Variants in SLCO3A1 observed in about 807,000 individuals in gnomAD.
SLCO3A1 encodes PGE1 transporter.
A neutral mutation model predicts 63.1 loss-of-function variants in SLCO3A1; 27 were observed. The ratio of observed to expected loss-of-function variants is 0.43; its 90% confidence interval spans 0.32 to 0.59. The LOEUF (loss-of-function observed/expected upper bound fraction) is 0.59, where lower values mean the gene tolerates loss of function less well. SLCO3A1 is among the 20% of genes least tolerant of loss of function. SLCO3A1 has a pLI of 0.09. For synonymous variants in SLCO3A1, 473 were observed against 409.9 expected, an observed-to-expected ratio of 1.15 and a Z score of -1.86; for missense variants, 773 against 945.8, an observed-to-expected ratio of 0.82 and a Z score of 2.40.
rs947863579 is a variant in SLCO3A1 at position 92,033,342 on chromosome 15, C to T, written c.647-61539C>T. Among the ~76,000 whole-genome samples the T allele has an allele frequency of 8.5e-5, 13 of 152,192 alleles. No homozygotes were observed. The highest frequency in any genetic ancestry group is 3.1e-4 in the African/African-American group (13 of 41,436). On this transcript the variant is annotated intron_variant, in intron 2 of 9. Coordinates refer to ENST00000318445, the MANE Select transcript of SLCO3A1 (RefSeq NM_013272.4). This position sits in a 1 kb window ranked among gnomAD's most constrained non-coding sequence, Gnocchi z 4.5. Reference sequence around the variant, plus strand: ...TGCCCTTTGGAGAGACTTCTGCAACCCTCCTCTCCTCCAAGAGCAGGGTAA... The same window carrying T: ...TGCCCTTTGGAGAGACTTCTGCAACTCTCCTCTCCTCCAAGAGCAGGGTAA...
In SLCO3A1 at chr15:91,957,133, TAC is replaced by T. The variant is rs553755215; in HGVS notation, c.646+40676_646+40677del. Among the ~76,000 whole-genome samples, 7 of 24,074 alleles carry T rather than the reference TAC, an allele frequency of 2.9e-4. 1 individual carries two copies. Among genetic ancestry groups the T allele is most frequent in the African/African-American group, 2.3e-3 (5 of 2,162 alleles). The allele number at this position is 24,074 out of a possible 152,430, so 15.8% of individuals were successfully genotyped here. A position where few individuals can be genotyped will look rare whatever the true frequency, so the allele number is the denominator to read the frequency against. On this transcript the variant is annotated intron_variant, in intron 2 of 9. Coordinates refer to ENST00000318445, the MANE Select transcript of SLCO3A1 (RefSeq NM_013272.4). ...ATATATATAATATATATAATATATA[TAC>T]TATATATTATAATATATATATATAT...
chr15:92,004,446 G>A (rs888103043), intron 2 of SLCO3A1, among the ~76,000 whole-genome samples: 2 of 152,234 alleles, frequency 1.3e-5, no homozygotes, highest in African/African-American at 4.8e-5. Flanking sequence ...TGATGACAAT[G>A]ATGATGACTA....
chr15:92,025,684 C>T (rs937674828), intron 2 of SLCO3A1, among the ~76,000 whole-genome samples: 1 of 152,176 alleles, frequency 6.6e-6, no homozygotes, highest in Non-Finnish European at 1.5e-5. Flanking sequence ...CCAACCATTC[C>T]CGTAGCTGTC....
At chr15:91,930,287 C>T (rs1899180452) in intron 2 of SLCO3A1, among the ~76,000 whole-genome samples, 1 of 152,192 alleles carries the variant, frequency 6.6e-6, no homozygotes, top group Non-Finnish European at 1.5e-5. Context: ...ACTGCATCTA[C>T]CTCTGATGAG....
At chr15:91,980,461 T>C (rs757232231) in intron 2 of SLCO3A1, among the ~76,000 whole-genome samples, 11 of 151,154 alleles carry the variant, frequency 7.3e-5, no homozygotes, top group Non-Finnish European at 1.0e-4. Flanking sequence ...GTGAATGGAT[T>C]CGTAGGGTGA....
intron 2 of SLCO3A1, among the ~76,000 whole-genome samples, chr15:92,052,944 T>TTTAAA (rs1269094526): frequency 6.6e-6 from 1 of 152,146 alleles, no homozygotes; most frequent in Non-Finnish European, 1.5e-5. Flanking sequence ...ACTAGAAAAA[T>TTTAAA]TTAAATTATA....
At chr15:92,018,835 C>T (rs1197603390) in intron 2 of SLCO3A1, among the ~76,000 whole-genome samples, 1 of 152,278 alleles carries the variant, frequency 6.6e-6, no homozygotes, top group East Asian at 1.9e-4. Context: ...AGAGCCTGGC[C>T]ACTGAGGCAT....
chr15:92,030,319 C>T (rs2046630819), intron 2 of SLCO3A1, among the ~76,000 whole-genome samples: 1 of 152,098 alleles, frequency 6.6e-6, no homozygotes, highest in African/African-American at 2.4e-5. Flanking sequence ...TACAAAATAA[C>T]AAAATTTCAT....
At chr15:91,876,491 T>G (rs946813000) in intron 1 of SLCO3A1, among the ~76,000 whole-genome samples, 1 of 152,196 alleles carries the variant, frequency 6.6e-6, no homozygotes, top group Non-Finnish European at 1.5e-5. Context: ...CTTAGCACCA[T>G]GAGCAGGGGT....
rs192644057 is a variant in SLCO3A1 at position 91,860,349 on chromosome 15, A to G, written c.180+6261A>G. On this transcript the variant is annotated intron_variant, in intron 1 of 9. Coordinates refer to ENST00000318445, the MANE Select transcript of SLCO3A1 (RefSeq NM_013272.4). The surrounding 1 kb of genome is among the most constrained non-coding windows in gnomAD (Gnocchi z 5.5). ...GGCAACTTCACTTACTCGAGCCTCA[A>G]TAGCCTCATCTGAAAAATGGGGATA... Among the ~76,000 whole-genome samples, 147 of 152,386 alleles carry G rather than the reference A, an allele frequency of 9.6e-4. No individual in the cohort carries two copies. The highest frequency in any genetic ancestry group is 2.9e-3 in the African/African-American group (119 of 41,594).
Position 92,046,234 on chromosome 15 carries a change from G to T in SLCO3A1, c.647-48647G>T, listed in dbSNP as rs138564229. Among the ~76,000 whole-genome samples, 366 of 152,210 alleles carry T rather than the reference G, an allele frequency of 2.4e-3. 3 individuals are homozygous for T. The highest frequency in any genetic ancestry group is 7.9e-3 in the African/African-American group (326 of 41,510). ...AAACATCTTCAAAAAGTTATTGTCGGCTGGGCGTGGTGGGTCACACCTGTA... is the reference window on the plus strand; with the variant it reads ...AAACATCTTCAAAAAGTTATTGTCGTCTGGGCGTGGTGGGTCACACCTGTA... On this transcript the variant is annotated intron_variant, in intron 2 of 9. Transcript: ENST00000318445.
At chr15:92,145,565 C>A (rs770475050) in intron 7 of SLCO3A1, among the ~76,000 whole-genome samples, 35 of 151,950 alleles carry the variant, frequency 2.3e-4, no homozygotes, top group Non-Finnish European at 4.7e-4. Context: ...TGAAAAGGGC[C>A]CTGCAGGACT....
At chr15:91,873,630 A>G (rs1897330756) in intron 1 of SLCO3A1, among the ~76,000 whole-genome samples, 1 of 152,104 alleles carries the variant, frequency 6.6e-6, no homozygotes, top group Non-Finnish European at 1.5e-5. Flanking sequence ...ATGACACTTC[A>G]CACCTAAATA....
chr15:91,858,298 T>G (rs1896972511), intron 1 of SLCO3A1, among the ~76,000 whole-genome samples: 1 of 152,174 alleles, frequency 6.6e-6, no homozygotes, highest in South Asian at 2.1e-4. Flanking sequence ...TTTTATACAC[T>G]TATGCTTACT....
chr15:91,895,923 C>T (rs921308519), intron 1 of SLCO3A1, among the ~76,000 whole-genome samples: 1 of 152,236 alleles, frequency 6.6e-6, no homozygotes, highest in African/African-American at 2.4e-5. Context: ...GGACAATGAA[C>T]TGTGTAGACC....
intron 2 of SLCO3A1, among the ~76,000 whole-genome samples, chr15:92,052,671 T>A (rs1315820533): frequency 1.3e-5 from 2 of 152,192 alleles, no homozygotes; most frequent in Non-Finnish European, 2.9e-5. Flanking sequence ...TTCTTGTCTT[T>A]CCCTCTAGAG....
At chr15:91,987,599 C>A (rs920863761) in intron 2 of SLCO3A1, among the ~76,000 whole-genome samples, 1 of 151,904 alleles carries the variant, frequency 6.6e-6, no homozygotes, top group African/African-American at 2.4e-5. Flanking sequence ...AAAAATTAGC[C>A]GGGTGTGGTG....
chr15:91,916,353 A>C lies in SLCO3A1; in HGVS notation c.541A>C (p.Ile181Leu). The change falls in exon 2 of 10, where the codon ATT becomes CTT. Residue 181 changes from isoleucine (I) to leucine (L), a missense_variant. This residue lies in a region of SLCO3A1 where 565 missense variants were observed against 749.8 expected (regional missense o/e 0.75). Coordinates refer to ENST00000318445, the MANE Select transcript of SLCO3A1 (RefSeq NM_013272.4). The surrounding 1 kb of genome is among the most constrained non-coding windows in gnomAD (Gnocchi z 6.2). ...TATNMMYLLL[I>L]GAQVLLGIGA... is the part of the protein sequence containing the mutation. ...TACCAACATGATGTACTTGCTGCTC[A>C]TTGGGGCCCAGGTGCTCCTGGGCAT... The C allele has an allele frequency of 1.9e-6, 3 of 1,611,228 alleles. No homozygotes were observed. Among genetic ancestry groups the C allele is most frequent in the Non-Finnish European group, 2.5e-6 (3 of 1,179,090 alleles).
At position 91,916,991 on chromosome 15, in the gene SLCO3A1, G is replaced by A. The variant is rs1898684518; in HGVS notation, c.646+533G>A. 1.3e-5 allele frequency among the ~76,000 whole-genome samples: 2 copies of A among 152,154 alleles called. No individual in the cohort carries two copies. Among genetic ancestry groups the A allele is most frequent in the South Asian group, 4.1e-4 (2 of 4,832 alleles). On this transcript the variant is annotated intron_variant, in intron 2 of 9. Transcript: ENST00000318445. This position sits in a 1 kb window ranked among gnomAD's most constrained non-coding sequence, Gnocchi z 6.2. ...GAATTGGGTATGTAGAGAGAAATAA[G>A]GTATTTGTGTTTTGAAAAGTTATTT... is the stretch of plus-strand genomic sequence containing the variant.
Sources: allele counts gnomAD v4.1 joint callset (sites outside exome capture counted in the v4.1 genomes callset), GRCh38; gene constraint gnomAD v4.1.1; regional missense constraint gnomAD v4.1.1; non-coding constraint Gnocchi (gnomAD v3.1); transcripts MANE v1.5; gene names NCBI Gene and HGNC (gene_info 2026-07-23, HGNC 2026-07-21).